The following FCAMR variants were observed in gnomAD, a reference collection of about 807,000 sequenced individuals.
The protein encoded by FCAMR is high affinity immunoglobulin alpha and immunoglobulin mu Fc receptor.
In FCAMR, 51 loss-of-function variants were observed where a neutral mutation model predicts 52.2. That is an observed-to-expected ratio of 0.98 (90% CI 0.78 to 1.23). FCAMR has a LOEUF of 1.23. Among genes scored for constraint, FCAMR ranks in the 50% most tolerant of loss-of-function variants. The probability of loss-of-function intolerance (pLI) is 0.00; values close to 1 mark genes in which losing one functional copy is unlikely to be tolerated. For missense variants in FCAMR, 719 were observed against 712.6 expected (o/e 1.01, Z -0.10); for synonymous variants, 282 against 262.0 (o/e 1.08, Z -0.74).
rs1407966139 is a variant in FCAMR, at chr1:206,960,904, T to C, written c.972A>G (p.Glu324=). 49 of 1,552,262 alleles carry C rather than the reference T, an allele frequency of 3.2e-5. No homozygotes were observed. The highest frequency in any genetic ancestry group is 4.0e-5 in the Non-Finnish European group (46 of 1,147,154). Residue 324 remains glutamate (E), a synonymous_variant, in exon 6 of 8, where the codon GAA becomes GAG. Transcript: ENST00000324852. ...AGCTTCTGGTGCCCTCCCAAACACC[T>C]TCTGTTGTATTGGACATGCTTCTGC... is the stretch of plus-strand genomic sequence containing the variant. ...SKSRSMSNTT[E]GVWEGTRSSV... is the part of the protein sequence containing the mutation.
intron 1 of FCAMR, among the ~76,000 whole-genome samples, chr1:206,968,975 T>C (rs1013716559): frequency 6.6e-6 from 1 of 152,182 alleles, no homozygotes; most frequent in Non-Finnish European, 1.5e-5. Context: ...TTTCTGTGCC[T>C]TCGCTGTAGC....
rs1252848938 is a variant in FCAMR at position 206,965,855 on chromosome 1, G to A, written c.173C>T (p.Ser58Phe). ...LFLILCLLQGSSFALPQKRPH... is the reference protein window; with the variant it reads ...LFLILCLLQGFSFALPQKRPH... ...TCTTTTTTGTGGAAGGGCGAAAGAA[G>A]AACCTGCAGCAAAGGAAGGAGATGG... The change falls in exon 4 of 8, where the codon TCT becomes TTT. Residue 58 changes from serine to phenylalanine, a missense_variant. By Grantham distance (155) the Ser-to-Phe change is radical. Coordinates refer to ENST00000324852, the MANE Select transcript of FCAMR (RefSeq NM_001170631.2). 6.2e-7 allele frequency: 1 copy of A among 1,608,172 alleles called. No homozygotes were observed.
At chr1:206,968,409 GC>G (rs1278770672) in intron 1 of FCAMR, among the ~76,000 whole-genome samples, 2 of 152,228 alleles carry the variant, frequency 1.3e-5, no homozygotes, top group Non-Finnish European at 2.9e-5. Flanking sequence ...ATTCATGGAT[GC>G]TTTTTGATGG....
intron 1 of FCAMR, chr1:206,969,369 AATAC>A (rs746958636): frequency 4.4e-6 from 2 of 449,804 alleles, no homozygotes; most frequent in South Asian, 3.1e-5. Context: ...CTGGGAGGAT[AATAC>A]TCAACGGAAT....
intron 5 of FCAMR, among the ~76,000 whole-genome samples, 160 bp from the exon 6 acceptor site, chr1:206,961,383 A>G (rs1680502722): frequency 6.6e-6 from 1 of 152,010 alleles, no homozygotes; most frequent in African/African-American, 2.4e-5. Flanking sequence ...AAATAGGAAA[A>G]TGTTTCATTC....
At chr1:206,960,075 C>G (rs1424955735) in intron 6 of FCAMR, 1 of 509,210 alleles carries the variant, frequency 2.0e-6, no homozygotes, top group Non-Finnish European at 3.5e-6. Context: ...CAAGCGACTC[C>G]AGCCTCAGCA....
rs1453745557 is a variant in FCAMR at position 206,959,809 on chromosome 1, G to A, written c.1455-12C>T. On this transcript the variant is annotated splice_polypyrimidine_tract_variant and intron_variant, in intron 6 of 7. Coordinates refer to ENST00000324852, the MANE Select transcript of FCAMR (RefSeq NM_001170631.2). ...CTTCTGGAAAAGTACTACAGTGGGGGTGGAAAGAGCACAGGGGAGAGGAGG... is the reference window on the plus strand; with the variant it reads ...CTTCTGGAAAAGTACTACAGTGGGGATGGAAAGAGCACAGGGGAGAGGAGG... 1 of 1,597,288 alleles carries A rather than the reference G, an allele frequency of 6.3e-7. No individual in the cohort carries two copies. Among genetic ancestry groups the A allele is most frequent in the Non-Finnish European group, 8.6e-7 (1 of 1,164,684 alleles).
In FCAMR at chr1:206,965,696, G is replaced by C; in HGVS notation, c.313+19C>G. 1 of 1,544,928 alleles carries C rather than the reference G, an allele frequency of 6.5e-7. No homozygotes were observed. The highest frequency in any genetic ancestry group is 2.2e-5 in the Admixed American group (1 of 45,586). ...AGTCTGAGGTCCATGGTCGAACAAAGGGAGAGTAGGGGTTGTACCTGCAAA... is the reference window on the plus strand; with the variant it reads ...AGTCTGAGGTCCATGGTCGAACAAACGGAGAGTAGGGGTTGTACCTGCAAA... On this transcript the variant is annotated intron_variant, in intron 4 of 7. Transcript: ENST00000324852.
intron 4 of FCAMR, among the ~76,000 whole-genome samples, chr1:206,964,233 C>T (rs1368019595): frequency 6.6e-6 from 1 of 152,292 alleles, no homozygotes; most frequent in Admixed American, 6.5e-5. Context: ...CAGCTTCCCG[C>T]GGGGCTGTTG....
chr1:206,965,696 G>A lies in FCAMR; in HGVS notation c.313+19C>T, dbSNP rs1680676062. On this transcript the variant is annotated intron_variant, in intron 4 of 7. Coordinates refer to ENST00000324852, the MANE Select transcript of FCAMR (RefSeq NM_001170631.2). ...AGTCTGAGGTCCATGGTCGAACAAA[G>A]GGAGAGTAGGGGTTGTACCTGCAAA... The A allele has an allele frequency of 7.1e-6, 11 of 1,544,928 alleles. No homozygotes were observed. In the East Asian group the frequency reaches 2.4e-4, roughly 33 times the overall value.
chr1:206,961,483 C>T (rs1222768519), intron 5 of FCAMR, among the ~76,000 whole-genome samples: 1 of 152,224 alleles, frequency 6.6e-6, no homozygotes, highest in Non-Finnish European at 1.5e-5. Flanking sequence ...TATTTTCTAT[C>T]CAGCTGTCTT....
At chr1:206,963,740 T>A (rs1680597957) in intron 4 of FCAMR, among the ~76,000 whole-genome samples, 1 of 151,984 alleles carries the variant, frequency 6.6e-6, no homozygotes, top group African/African-American at 2.4e-5. Context: ...AGAGGAGAGG[T>A]GAATGAGACA....
intron 1 of FCAMR, among the ~76,000 whole-genome samples, chr1:206,968,268 G>A (rs1680793065): frequency 6.6e-6 from 1 of 152,218 alleles, no homozygotes; most frequent in Non-Finnish European, 1.5e-5. Context: ...GAACCCAGAA[G>A]GCAGAGGTTG....
intron 4 of FCAMR, among the ~76,000 whole-genome samples, chr1:206,965,153 C>A (rs937025632): frequency 1.3e-5 from 2 of 152,170 alleles, no homozygotes; most frequent in Non-Finnish European, 2.9e-5. Context: ...AAACAAGGAC[C>A]ATTTCAGGAC....
chr1:206,958,236 A>T lies in FCAMR; in HGVS notation c.*280T>A. On this transcript the variant is annotated 3_prime_UTR_variant, in exon 8 of 8. Coordinates refer to ENST00000324852, the MANE Select transcript of FCAMR (RefSeq NM_001170631.2). ...AAGCCTCTTCTATTTTCAAACATTC[A>T]GGAATGGAAATTTCATGCTTTTCCT... 1 of 334,794 alleles carries T rather than the reference A, an allele frequency of 3.0e-6. No homozygotes were observed. The highest frequency in any genetic ancestry group is 5.5e-5 in the East Asian group (1 of 18,278). 20.7% of individuals were successfully genotyped at this position (334,794 alleles called of 1,614,324 possible).
rs1680328127 is a variant in FCAMR, at chr1:206,958,296, T to A, written c.*220A>T. 2.9e-5 allele frequency: 16 copies of A among 548,224 alleles called. 1 individual carries two copies. In the South Asian group the frequency reaches 3.6e-4, roughly 12 times the overall value. 34.0% of individuals were successfully genotyped at this position (548,224 alleles called of 1,614,324 possible). ...CTTCCAGTGTTTCATACACTGTTCT[T>A]GAAGTCTCCTTTGAGTCATCTTGTC... On this transcript the variant is annotated 3_prime_UTR_variant, in exon 8 of 8. Coordinates refer to ENST00000324852, the MANE Select transcript of FCAMR (RefSeq NM_001170631.2).
chr1:206,959,870 A>G, intron 6 of FCAMR, 73 bp from the exon 7 acceptor site: 2 of 1,219,218 alleles, frequency 1.6e-6, no homozygotes, highest in Non-Finnish European at 2.4e-6. Flanking sequence ...CCATTTACCC[A>G]CATCCTTACT....
In FCAMR at chr1:206,959,804, T is replaced by C. The variant is rs1680426573; in HGVS notation, c.1455-7A>G. On this transcript the variant is annotated splice_polypyrimidine_tract_variant and splice_region_variant and intron_variant, in intron 6 of 7. Transcript: ENST00000324852. ...TTCATCTTCTGGAAAAGTACTACAG[T>C]GGGGGTGGAAAGAGCACAGGGGAGA... is the stretch of plus-strand genomic sequence containing the variant. 1 of 1,607,392 alleles carries C rather than the reference T, an allele frequency of 6.2e-7. No individual in the cohort carries two copies.
At chr1:206,958,805 T>C (rs374974917) in intron 7 of FCAMR, 129 bp from the exon 8 acceptor site, 1 of 1,275,362 alleles carries the variant, frequency 7.8e-7, no homozygotes, top group Non-Finnish European at 1.1e-6. Context: ...GGAGCCCTAG[T>C]TGGCTAGGCT....
Sources: allele counts gnomAD v4.1 joint callset (sites outside exome capture counted in the v4.1 genomes callset), GRCh38; gene constraint gnomAD v4.1.1; transcripts MANE v1.5; gene names NCBI Gene and HGNC (gene_info 2026-07-23, HGNC 2026-07-21).